WWC2: variants seen among roughly 807,000 people sequenced by gnomAD.
WWC2 encodes the protein protein WWC2.
WWC2 carries 101 observed loss-of-function variants against 138.5 expected under a neutral mutation model. The observed-to-expected ratio is 0.73, with a 90% CI of 0.62 to 0.86. WWC2 has a LOEUF of 0.86. Ranked by LOEUF, WWC2 falls within the 40% of genes least tolerant of loss-of-function variation. WWC2 has a pLI of 0.00. For missense variants in WWC2, 1,420 were observed against 1,419.4 expected (o/e 1.00, Z -0.01); for synonymous variants, 558 against 538.4 (o/e 1.04, Z -0.50).
chr4:183,287,991 T>G (rs1381627076), intron 20 of WWC2, among the ~76,000 whole-genome samples: 1 of 152,228 alleles, frequency 6.6e-6, no homozygotes, highest in East Asian at 1.9e-4. Context: ...GACTCTTGTA[T>G]GTGGAGTCCT....
intron 1 of WWC2, among the ~76,000 whole-genome samples, chr4:183,140,113 G>C (rs2111093061): frequency 6.6e-6 from 1 of 152,280 alleles, no homozygotes; most frequent in Middle Eastern, 3.4e-3. Flanking sequence ...CTCCCAGCCT[G>C]GGAATTTGTT....
In WWC2 at chr4:183,207,879, C is replaced by T. The variant is rs1450583398; in HGVS notation, c.242-74C>T. ...AGAGGATACAAGAACTTAAGCTAGC[C>T]TACTCCCTAAAGCTTAAACAAGCCG... On this transcript the variant is annotated intron_variant, in intron 2 of 22. Transcript: ENST00000403733. 4 of 1,343,548 alleles carry T rather than the reference C, an allele frequency of 3.0e-6. No homozygotes were observed. In the East Asian group the frequency reaches 7.5e-5, roughly 25 times the overall value. The allele number at this position is 1,343,548 out of a possible 1,614,324, so 83.2% of individuals were successfully genotyped here. A position where few individuals can be genotyped will look rare whatever the true frequency, so the allele number is the denominator to read the frequency against.
intron 2 of WWC2, among the ~76,000 whole-genome samples, chr4:183,201,050 G>A (rs1159615226): frequency 6.6e-6 from 1 of 152,122 alleles, no homozygotes; most frequent in African/African-American, 2.4e-5. Context: ...TATAAATATT[G>A]GAAATAGATA....
At chr4:183,208,378 G>C (rs1580058791) in intron 3 of WWC2, among the ~76,000 whole-genome samples, 1 of 152,322 alleles carries the variant, frequency 6.6e-6, no homozygotes, top group Non-Finnish European at 1.5e-5. Flanking sequence ...TTCTGTTTCT[G>C]CACCTGCCTC....
At chr4:183,191,365 A>G (rs923946453) in intron 1 of WWC2, among the ~76,000 whole-genome samples, 1 of 152,114 alleles carries the variant, frequency 6.6e-6, no homozygotes, top group African/African-American at 2.4e-5. Context: ...ATTGCTTAAC[A>G]TGTTTGAGAT....
intron 1 of WWC2, among the ~76,000 whole-genome samples, chr4:183,152,892 T>TA (rs972792870): frequency 2.0e-5 from 3 of 151,428 alleles, no homozygotes; most frequent in African/African-American, 4.9e-5. Flanking sequence ...CAAAAAAAAA[T>TA]AAAAAATAAA....
intron 21 of WWC2, 77 bp from the exon 22 acceptor site, chr4:183,312,264 T>G: frequency 6.4e-7 from 1 of 1,571,366 alleles, no homozygotes. Flanking sequence ...CCACAATCTT[T>G]GAAGCTTCAT....
At chr4:183,254,043 GGT>G in intron 9 of WWC2, 44 bp downstream of exon 9, 1 of 1,596,702 alleles carries the variant, frequency 6.3e-7, no homozygotes, top group Non-Finnish European at 8.5e-7. Context: ...CTCTTGTGGG[GGT>G]GTCTTAACTG....
At chr4:183,137,989 C>A (rs544311494) in intron 1 of WWC2, among the ~76,000 whole-genome samples, 184 of 152,194 alleles carry the variant, frequency 1.2e-3, no homozygotes, top group Middle Eastern at 6.8e-3. Context: ...ATGTATTGAT[C>A]CTTTGAGGCC....
At chr4:183,262,033 G>A (rs1184397138) in intron 11 of WWC2, among the ~76,000 whole-genome samples, 1 of 152,202 alleles carries the variant, frequency 6.6e-6, no homozygotes, top group African/African-American at 2.4e-5. Context: ...TAAAACAGCA[G>A]GTTGCAGTGT....
At chr4:183,189,436 CAAA>C (rs201076553) in intron 1 of WWC2, among the ~76,000 whole-genome samples, 2 of 85,864 alleles carry the variant, frequency 2.3e-5, no homozygotes, top group Admixed American at 1.3e-4. Flanking sequence ...GACTCAGTCT[CAAA>C]AAAAAAAAAA....
In WWC2 at chr4:183,261,381, A is replaced by T; in HGVS notation, c.1758A>T (p.Glu586Asp). Residue 586 changes from glutamate (E) to aspartate (D), a missense_variant, in exon 11 of 23, where the codon GAA (glutamate) becomes GAT (aspartate). Physicochemically the swap from Glu to Asp is conservative, Grantham distance 45 (BLOSUM62 2). Transcript: ENST00000403733. ...ASLHQFTADFEDCELSSHFAD... is the reference protein window; with the variant it reads ...ASLHQFTADFDDCELSSHFAD... ...TCCATCAGTTCACTGCTGACTTTGA[A>T]GACTGTGAGTTGAGTAGCCATTTTG... 2 of 1,613,246 alleles carry T rather than the reference A, an allele frequency of 1.2e-6. No individual in the cohort carries two copies. Among genetic ancestry groups the T allele is most frequent in the South Asian group, 2.2e-5 (2 of 90,792 alleles).
At chr4:183,230,353 G>A (rs1219719273) in intron 4 of WWC2, among the ~76,000 whole-genome samples, 1 of 152,046 alleles carries the variant, frequency 6.6e-6, no homozygotes, top group African/African-American at 2.4e-5. Flanking sequence ...ATAAGCCAAA[G>A]CCAGTAGAAG....
At position 183,317,979 on chromosome 4, in the gene WWC2, A is replaced by G. The variant is rs1739494219; in HGVS notation, c.*2250A>G. 1 of 152,330 alleles carries G rather than the reference A, an allele frequency of 6.6e-6. No individual in the cohort carries two copies. The highest frequency in any genetic ancestry group is 6.5e-5 in the Admixed American group (1 of 15,306). 9.4% of individuals were successfully genotyped at this position (152,330 alleles called of 1,614,324 possible). A position where few individuals can be genotyped will look rare whatever the true frequency, so the allele number is the denominator to read the frequency against. ...GTCAGCAATAGTGTTATGTATTTAT[A>G]GGCAGCTTTTAATAATCTTGTCATA... On this transcript the variant is annotated 3_prime_UTR_variant, in exon 23 of 23. Transcript: ENST00000403733.
intron 6 of WWC2, among the ~76,000 whole-genome samples, chr4:183,245,803 G>T (rs369300523): frequency 6.6e-6 from 1 of 152,160 alleles, no homozygotes; most frequent in African/African-American, 2.4e-5. Flanking sequence ...GGGTGGTGGG[G>T]CCTGGAGCTC....
intron 4 of WWC2, among the ~76,000 whole-genome samples, chr4:183,220,484 G>A (rs1735890202): frequency 6.6e-6 from 1 of 151,210 alleles, no homozygotes; most frequent in African/African-American, 2.4e-5. Flanking sequence ...CAAAAATCAG[G>A]CCACAAGATG....
chr4:183,220,551 A>AG lies in WWC2; in HGVS notation c.522+11526_522+11527insG, dbSNP rs1368351406. Among the ~76,000 whole-genome samples the AG allele has an allele frequency of 2.6e-5, 4 of 151,288 alleles. No individual in the cohort carries two copies. In the East Asian group the frequency reaches 7.8e-4, roughly 29 times the overall value. ...ATCCACTTTAAAAAAAAAAAAAAAA[A>AG]TGGCCGGGCGCGGTGGCTCACGCCT... On this transcript the variant is annotated intron_variant, in intron 4 of 22. Transcript: ENST00000403733.
chr4:183,236,201 G>C (rs571569499), intron 4 of WWC2, among the ~76,000 whole-genome samples: 6 of 152,150 alleles, frequency 3.9e-5, no homozygotes, highest in Non-Finnish European at 7.4e-5. Flanking sequence ...CTATGTCAAT[G>C]TGTCTGTCTT....
chr4:183,206,272 T>A (rs1324909571), intron 2 of WWC2, among the ~76,000 whole-genome samples: 1 of 152,160 alleles, frequency 6.6e-6, no homozygotes, highest in Non-Finnish European at 1.5e-5. Context: ...GCCTTCTTTG[T>A]GTTTTGCTTT....
Sources: gnomAD v4.1 joint callset for allele counts (sites outside exome capture counted in the v4.1 genomes callset) on GRCh38, gnomAD v4.1.1 for gene constraint, MANE v1.5 for transcripts, NCBI Gene and HGNC (gene_info 2026-07-23, HGNC 2026-07-21) for gene names.